The following PTPN4 variants were observed in gnomAD, a reference collection of about 807,000 sequenced individuals.
PTPN4 encodes protein tyrosine phosphatase non-receptor type 4.
Under a neutral mutation model 135.5 loss-of-function variants are expected in PTPN4, and 49 were observed. The observed-to-expected ratio is 0.36, with a 90% confidence interval of 0.29 to 0.46. PTPN4 has a LOEUF of 0.46. Ranked by LOEUF, PTPN4 falls within the 20% of genes least tolerant of loss-of-function variation. PTPN4 has a pLI of 1.00. For missense variants in PTPN4, 860 were observed against 1,101.0 expected, an observed-to-expected ratio of 0.78 and a Z score of 3.10; for synonymous variants, 333 against 369.9, an observed-to-expected ratio of 0.90 and a Z score of 1.14.
chr2:119,983,975 A>G lies in PTPN4; in HGVS notation c.*6905A>G, dbSNP rs1237925756. 6.6e-6 allele frequency among the ~76,000 whole-genome samples: 1 copy of G among 152,190 alleles called. No individual in the cohort carries two copies. Among genetic ancestry groups the G allele is most frequent in the Non-Finnish European group, 1.5e-5 (1 of 68,036 alleles). ...TGCACAAGTAAGTTTAAGGGAATAAAAGTCCCGACACTTTATATACATGTT... is the reference window on the plus strand; with the variant it reads ...TGCACAAGTAAGTTTAAGGGAATAAGAGTCCCGACACTTTATATACATGTT... On this transcript the variant is annotated 3_prime_UTR_variant, in exon 27 of 27. Transcript: ENST00000263708.
chr2:119,902,347 G>A (rs10173041), intron 10 of PTPN4, among the ~76,000 whole-genome samples: 154 of 152,290 alleles, frequency 1.0e-3, no homozygotes, highest in African/African-American at 3.6e-3. Flanking sequence ...AGAAGTGAAC[G>A]AGAAATAAAG....
intron 2 of PTPN4, among the ~76,000 whole-genome samples, chr2:119,831,006 A>G (rs1677211955): frequency 6.6e-6 from 1 of 152,074 alleles, no homozygotes; most frequent in Non-Finnish European, 1.5e-5. Flanking sequence ...CAGTACCCAA[A>G]CTTTTTGGCA....
intron 1 of PTPN4, among the ~76,000 whole-genome samples, chr2:119,803,522 C>T (rs1396983006): frequency 1.3e-5 from 2 of 152,152 alleles, no homozygotes; most frequent in Admixed American, 6.5e-5. Flanking sequence ...CCATTGTTCT[C>T]AGAATACATT....
chr2:119,827,722 A>C (rs1477688980), intron 2 of PTPN4, among the ~76,000 whole-genome samples: 2 of 152,130 alleles, frequency 1.3e-5, no homozygotes, highest in African/African-American at 4.8e-5. Context: ...TAAAGTAGTC[A>C]CCATTCTGAG....
chr2:119,789,209 T>C (rs1691096776), intron 1 of PTPN4, among the ~76,000 whole-genome samples: 1 of 152,164 alleles, frequency 6.6e-6, no homozygotes, highest in African/African-American at 2.4e-5. Context: ...ATGTGTATAT[T>C]GGCCACTTGT....
intron 2 of PTPN4, among the ~76,000 whole-genome samples, chr2:119,843,154 C>T (rs1677407087): frequency 6.7e-6 from 1 of 150,362 alleles, no homozygotes; most frequent in Admixed American, 6.6e-5. Context: ...AACAAATAAA[C>T]TAAATATGGT....
rs755129546 is a variant in PTPN4 at position 119,976,920 on chromosome 2, G to T, written c.2695-64G>T. 5 of 1,549,860 alleles carry T rather than the reference G, an allele frequency of 3.2e-6. No individual in the cohort carries two copies. In the South Asian group the frequency reaches 4.9e-5, roughly 15 times the overall value. On this transcript the variant is annotated intron_variant, in intron 26 of 26. Transcript: ENST00000263708. ...CCAAGTGAGATGTTTGTCTTTTTTG[G>T]GGGGAGAGGGGACGGTTTTCTGACT...
chr2:119,833,907 G>T (rs1677253952), intron 2 of PTPN4, among the ~76,000 whole-genome samples: 1 of 152,122 alleles, frequency 6.6e-6, no homozygotes, highest in African/African-American at 2.4e-5. Context: ...GCTTTCACTG[G>T]GAAAGACTTA....
chr2:119,955,370 A>G, intron 20 of PTPN4, 47 bp downstream of exon 20: 1 of 1,415,020 alleles, frequency 7.1e-7, no homozygotes, highest in Non-Finnish European at 9.4e-7. Context: ...GATATTTGCT[A>G]ACTAGTTTCA....
intron 14 of PTPN4, 52 bp downstream of exon 14, chr2:119,932,601 A>G (rs1372167821): frequency 1.3e-6 from 2 of 1,509,956 alleles, no homozygotes; most frequent in African/African-American, 1.4e-5. Context: ...CTAATTTCTA[A>G]TTATTGGCTG....
chr2:119,895,931 A>G (rs1460413556), intron 9 of PTPN4, among the ~76,000 whole-genome samples: 1 of 151,744 alleles, frequency 6.6e-6, no homozygotes, highest in Non-Finnish European at 1.5e-5. Context: ...AAAAAAAAAA[A>G]GAGGGGATAG....
chr2:119,823,711 C>T (rs974674305), intron 2 of PTPN4, among the ~76,000 whole-genome samples: 10 of 152,134 alleles, frequency 6.6e-5, no homozygotes, highest in African/African-American at 2.2e-4. Flanking sequence ...TTAAAATCTT[C>T]GAAATATTTC....
intron 2 of PTPN4, among the ~76,000 whole-genome samples, chr2:119,835,712 T>C (rs1677280425): frequency 6.6e-6 from 1 of 152,094 alleles, no homozygotes; most frequent in Non-Finnish European, 1.5e-5. Context: ...TATTAAATAA[T>C]TATGTTTTTT....
intron 2 of PTPN4, among the ~76,000 whole-genome samples, chr2:119,858,773 C>T (rs1369630379): frequency 6.6e-6 from 1 of 152,002 alleles, no homozygotes; most frequent in Non-Finnish European, 1.5e-5. Flanking sequence ...GCTGGGACTA[C>T]AGGCACGTGC....
chr2:119,930,003 TA>T (rs1678880577), intron 13 of PTPN4, among the ~76,000 whole-genome samples: 1 of 152,150 alleles, frequency 6.6e-6, no homozygotes, highest in Admixed American at 6.5e-5. Context: ...AATAGAGCCA[TA>T]AATGTTAATC....
intron 1 of PTPN4, among the ~76,000 whole-genome samples, chr2:119,764,950 C>T (rs1198901411): frequency 5.9e-5 from 9 of 152,068 alleles, no homozygotes; most frequent in African/African-American, 2.2e-4. Flanking sequence ...GGAGGCTGTG[C>T]AATGTAGGGG....
intron 1 of PTPN4, among the ~76,000 whole-genome samples, chr2:119,779,888 T>G (rs1438418105): frequency 1.3e-5 from 2 of 151,976 alleles, no homozygotes; most frequent in Non-Finnish European, 2.9e-5. Flanking sequence ...GGGACCACAG[T>G]CACTCACCAC....
At chr2:119,952,429 T>C (rs1679223841) in intron 19 of PTPN4, among the ~76,000 whole-genome samples, 1 of 151,890 alleles carries the variant, frequency 6.6e-6, no homozygotes, top group African/African-American at 2.4e-5. Context: ...GACATACTCT[T>C]TTTGATTTTG....
At chr2:119,881,754 A>T in intron 5 of PTPN4, 32 bp from the exon 6 acceptor site, 4 of 1,427,244 alleles carry the variant, frequency 2.8e-6, no homozygotes, top group Non-Finnish European at 3.9e-6. Context: ...AATTCTATTA[A>T]ATGCTATCCT....
Sources: allele counts gnomAD v4.1 joint callset (sites outside exome capture counted in the v4.1 genomes callset), GRCh38; gene constraint gnomAD v4.1.1; transcripts MANE v1.5; gene names NCBI Gene and HGNC (gene_info 2026-07-23, HGNC 2026-07-21).